The following NUP62 variants were observed in gnomAD, a reference collection of about 807,000 sequenced individuals.
NUP62 encodes the protein nucleoporin 62, also known as nuclear pore glycoprotein p62.
For synonymous variants in NUP62, 305 were observed against 303.4 expected (o/e 1.01, Z -0.05); for missense variants, 647 against 689.4 (o/e 0.94, Z 0.69).
chr19:49,926,526 T>C (rs1259711562), intron 2 of NUP62, among the ~76,000 whole-genome samples: 1 of 142,488 alleles, frequency 7.0e-6, no homozygotes, highest in Non-Finnish European at 1.6e-5. Context: ...CAAGACTCTG[T>C]CTCAAAAAAA....
chr19:49,914,983 G>A (rs1481747302), intron 2 of NUP62, among the ~76,000 whole-genome samples: 1 of 151,794 alleles, frequency 6.6e-6, no homozygotes, highest in Non-Finnish European at 1.5e-5. Context: ...CAGGTGATCT[G>A]CCCACCTTGG....
intron 2 of NUP62, among the ~76,000 whole-genome samples, chr19:49,919,684 C>G (rs530438247): frequency 6.6e-6 from 1 of 152,170 alleles, no homozygotes; most frequent in African/African-American, 2.4e-5. Flanking sequence ...GCTCTGGTCG[C>G]AGGACCAACA....
chr19:49,923,966 G>A (rs1350108224), intron 2 of NUP62, among the ~76,000 whole-genome samples: 2 of 152,238 alleles, frequency 1.3e-5, no homozygotes, highest in African/African-American at 2.4e-5. Flanking sequence ...TGCAAAACTC[G>A]GAGCCTTTTC....
chr19:49,913,700 A>G (rs1484193796), intron 2 of NUP62, among the ~76,000 whole-genome samples: 2 of 152,148 alleles, frequency 1.3e-5, no homozygotes, highest in African/African-American at 2.4e-5. Flanking sequence ...TTTCTCCATA[A>G]TAAACCGTGA....
Position 49,909,189 on chromosome 19 carries a change from C to T in NUP62, c.619G>A (p.Ala207Thr). The change falls in exon 3 of 3, where the codon GCT becomes ACT. Residue 207 changes from alanine (A) to threonine (T), a missense_variant. Transcript: ENST00000352066. ...ATTAGATQPAAPTPTATITST... is the reference protein window; with the variant it reads ...ATTAGATQPATPTPTATITST... ...GTGATGGTGGCTGTGGGTGTGGGAG[C>T]AGCTGGCTGTGTGGCACCTGCTGTG... 1 of 1,613,818 alleles carries T rather than the reference C, an allele frequency of 6.2e-7. No homozygotes were observed. Among genetic ancestry groups the T allele is most frequent in the East Asian group, 2.2e-5 (1 of 44,882 alleles).
At chr19:49,913,661 C>T (rs2122649696) in intron 2 of NUP62, among the ~76,000 whole-genome samples, 1 of 152,360 alleles carries the variant, frequency 6.6e-6, no homozygotes, top group South Asian at 2.1e-4. Context: ...TTTTGCATCT[C>T]TCCCCTTTGC....
chr19:49,908,215 T>C lies in NUP62; in HGVS notation c.*24A>G. On this transcript the variant is annotated 3_prime_UTR_variant, in exon 3 of 3. Transcript: ENST00000352066. ...TCCCCTCATGAACTCCCTAGGGACC[T>C]GCGGGCCCCAGGGCTGCTGTCGCTC... 3.1e-6 allele frequency: 5 copies of C among 1,610,612 alleles called. No homozygotes were observed. The highest frequency in any genetic ancestry group is 4.2e-6 in the Non-Finnish European group (5 of 1,179,704).
intron 2 of NUP62, among the ~76,000 whole-genome samples, chr19:49,914,130 C>T (rs913037179): frequency 6.6e-6 from 1 of 152,166 alleles, no homozygotes; most frequent in Non-Finnish European, 1.5e-5. Context: ...AGGAGGATTG[C>T]TTAAGCCCAG....
intron 2 of NUP62, among the ~76,000 whole-genome samples, chr19:49,919,167 A>C (rs1244043082): frequency 1.3e-5 from 2 of 152,222 alleles, no homozygotes; most frequent in East Asian, 3.9e-4. Flanking sequence ...AAAACAAACT[A>C]ACTCATTTTG....
intron 2 of NUP62, among the ~76,000 whole-genome samples, chr19:49,918,085 T>C (rs1158283053): frequency 6.6e-6 from 1 of 151,724 alleles, no homozygotes; most frequent in Non-Finnish European, 1.5e-5. Flanking sequence ...TTTCTTTTTT[T>C]TTTTTTGAGA....
chr19:49,913,890 TG>T (rs899077371), intron 2 of NUP62, among the ~76,000 whole-genome samples: 2 of 151,976 alleles, frequency 1.3e-5, no homozygotes, highest in African/African-American at 4.8e-5. Flanking sequence ...TTTATGGGTG[TG>T]GGGGATGAAC....
At position 49,909,739 on chromosome 19, in the gene NUP62, C is replaced by T. The variant is rs767316682; in HGVS notation, c.69G>A (p.Thr23=). 7.4e-6 allele frequency: 12 copies of T among 1,613,970 alleles called. No homozygotes were observed. The highest frequency in any genetic ancestry group is 1.6e-4 in the Middle Eastern group (1 of 6,080). ...ACCCTGTAGCAGGTGTGGTTGTTGC[C>T]GTCTTTGCAGTGCCAAACGTGAACC... ...TGGFTFGTAK[T]ATTTPATGFS... is the part of the protein sequence containing the mutation. Residue 23 remains threonine, a synonymous_variant, in exon 3 of 3, where the codon ACG becomes ACA. Transcript: ENST00000352066.
At chr19:49,911,809 A>G (rs947656184) in intron 2 of NUP62, among the ~76,000 whole-genome samples, 1 of 152,188 alleles carries the variant, frequency 6.6e-6, no homozygotes, top group Non-Finnish European at 1.5e-5. Context: ...ATTTTCATAA[A>G]GCTTTCCTGG....
chr19:49,917,025 G>A (rs1272616957), intron 2 of NUP62, among the ~76,000 whole-genome samples: 4 of 152,264 alleles, frequency 2.6e-5, no homozygotes, highest in Admixed American at 1.3e-4. Context: ...GATGCAAGAC[G>A]GACAGGGTGC....
Position 49,908,186 on chromosome 19 carries a change from G to T in NUP62, c.*53C>A. On this transcript the variant is annotated 3_prime_UTR_variant, in exon 3 of 3. Transcript: ENST00000352066. Reference sequence around the variant, plus strand: ...AACCCCAAACTACAGACAACAGGGCGCATTCCCCTCATGAACTCCCTAGGG... The same window carrying T: ...AACCCCAAACTACAGACAACAGGGCTCATTCCCCTCATGAACTCCCTAGGG... 6.3e-7 allele frequency: 1 copy of T among 1,598,274 alleles called. No individual in the cohort carries two copies. Among genetic ancestry groups the T allele is most frequent in the South Asian group, 1.1e-5 (1 of 90,034 alleles).
chr19:49,923,197 C>G (rs908796529), intron 2 of NUP62, among the ~76,000 whole-genome samples: 6 of 152,170 alleles, frequency 3.9e-5, no homozygotes, highest in African/African-American at 1.4e-4. Flanking sequence ...CCAGCCCCCG[C>G]GTCATCCTCT....
At chr19:49,915,158 G>A (rs189341788) in intron 2 of NUP62, among the ~76,000 whole-genome samples, 1 of 152,016 alleles carries the variant, frequency 6.6e-6, no homozygotes, top group African/African-American at 2.4e-5. Flanking sequence ...CTATGTGTGT[G>A]GGGGGGTAGA....
At position 49,908,417 on chromosome 19, in the gene NUP62, G is replaced by C. The variant is rs752321450; in HGVS notation, c.1391C>G (p.Pro464Arg). Residue 464 changes from proline to arginine, a missense_variant, in exon 3 of 3, where the codon CCC becomes CGC. Transcript: ENST00000352066. Reference protein sequence around the residue: ...IIEHLNTSGAPADTSDPLQQI... With the variant: ...IIEHLNTSGARADTSDPLQQI... ...CTGCAGTGGGTCACTGGTGTCGGCGGGGGCCCCGGACGTGTTCAGGTGCTC... is the reference window on the plus strand; with the variant it reads ...CTGCAGTGGGTCACTGGTGTCGGCGCGGGCCCCGGACGTGTTCAGGTGCTC... 1 of 1,614,022 alleles carries C rather than the reference G, an allele frequency of 6.2e-7. No homozygotes were observed. The highest frequency in any genetic ancestry group is 1.3e-5 in the African/African-American group (1 of 74,936).
chr19:49,923,551 C>G (rs1152234), intron 2 of NUP62, among the ~76,000 whole-genome samples: 36,351 of 152,078 alleles, frequency 0.24, 4,490 homozygotes, highest in African/African-American at 0.29. Context: ...GAATCACACA[C>G]AGACCCGGGC....
Sources: allele counts gnomAD v4.1 joint callset (sites outside exome capture counted in the v4.1 genomes callset), GRCh38; gene constraint gnomAD v4.1.1; transcripts MANE v1.5; gene names NCBI Gene and HGNC (gene_info 2026-07-23, HGNC 2026-07-21).